Variants in KBTBD12 observed in about 807,000 individuals in gnomAD.
KBTBD12 encodes the protein kelch repeat and BTB domain-containing protein 12.
A neutral mutation model predicts 58.7 loss-of-function variants in KBTBD12; 53 were observed. The ratio of observed to expected loss-of-function variants is 0.90; its 90% confidence interval spans 0.72 to 1.14. The LOEUF is 1.14. KBTBD12 is among the 50% of genes most tolerant of loss of function. The probability of loss-of-function intolerance (pLI) is 0.00; values close to 1 mark genes in which losing one functional copy is unlikely to be tolerated. For missense variants in KBTBD12, 704 were observed against 751.3 expected (o/e 0.94, Z 0.74); for synonymous variants, 236 against 259.8 (o/e 0.91, Z 0.88).
At chr3:127,980,322 ATTTATTT>A (rs895735411) in intron 5 of KBTBD12, among the ~76,000 whole-genome samples, 10 of 152,020 alleles carry the variant, frequency 6.6e-5, no homozygotes, top group Non-Finnish European at 1.2e-4. Flanking sequence ...TATTTTATTT[ATTTATTT>A]TTTATTTTTT....
chr3:127,929,839 T>C (rs1939660899), intron 3 of KBTBD12, among the ~76,000 whole-genome samples: 1 of 152,100 alleles, frequency 6.6e-6, no homozygotes, highest in Non-Finnish European at 1.5e-5. Context: ...TTTTTAAGGC[T>C]TTGCAGTTGC....
At chr3:127,933,653 G>A (rs1340323292) in intron 4 of KBTBD12, among the ~76,000 whole-genome samples, 1 of 152,062 alleles carries the variant, frequency 6.6e-6, no homozygotes, top group African/African-American at 2.4e-5. Context: ...CCAGGCAGAA[G>A]GTAAATGTCA....
chr3:127,929,891 A>G (rs1559762273), intron 3 of KBTBD12, among the ~76,000 whole-genome samples: 2 of 151,840 alleles, frequency 1.3e-5, no homozygotes. Context: ...TCTCACTGCT[A>G]AGATCACAAA....
At position 127,923,651 on chromosome 3, in the gene KBTBD12, T is replaced by TA. The variant is rs1939485178; in HGVS notation, c.591dup (p.Val198SerfsTer8). ...TCCAGAGAAGAGAGCATTCTGGACT[T>TA]AGTTCTGAGATGGGTAAATCATAAC... On this transcript the variant is annotated frameshift_variant, in exon 2 of 6. Coordinates refer to ENST00000405109, the MANE Select transcript of KBTBD12 (RefSeq NM_207335.4). LOFTEE classifies it high-confidence loss of function. 6.2e-7 allele frequency: 1 copy of TA among 1,613,688 alleles called. No homozygotes were observed. Among genetic ancestry groups the TA allele is most frequent in the African/African-American group, 1.3e-5 (1 of 74,936 alleles).
In KBTBD12 at chr3:127,923,030, A is replaced by G; in HGVS notation, c.-32A>G. ...CTCAGGAATCAAGCTACACTTAAAG[A>G]AGACTTAGTTGGAAACTTTGGAGAG... On this transcript the variant is annotated 5_prime_UTR_variant, in exon 2 of 6. Coordinates refer to ENST00000405109, the MANE Select transcript of KBTBD12 (RefSeq NM_207335.4). The G allele has an allele frequency of 7.6e-7, 1 of 1,316,724 alleles. No homozygotes were observed. The highest frequency in any genetic ancestry group is 1.1e-6 in the Non-Finnish European group (1 of 924,862). The allele number at this position is 1,316,724 out of a possible 1,614,324, so 81.6% of individuals were successfully genotyped here. A position where few individuals can be genotyped will look rare whatever the true frequency, so the allele number is the denominator to read the frequency against.
At chr3:127,944,111 G>A (rs1940020144) in intron 4 of KBTBD12, among the ~76,000 whole-genome samples, 1 of 152,108 alleles carries the variant, frequency 6.6e-6, no homozygotes, top group South Asian at 2.1e-4. Context: ...TTGAAATCCG[G>A]AAGTTGGTGA....
chr3:127,946,112 C>A (rs556437971), intron 4 of KBTBD12, among the ~76,000 whole-genome samples: 1 of 152,280 alleles, frequency 6.6e-6, no homozygotes, highest in African/African-American at 2.4e-5. Context: ...AATTTCATTC[C>A]TTCCACCCGT....
chr3:127,933,803 T>A (rs2107595207), intron 4 of KBTBD12, among the ~76,000 whole-genome samples: 1 of 152,234 alleles, frequency 6.6e-6, no homozygotes, highest in East Asian at 1.9e-4. Context: ...GGGTAACTCA[T>A]AGGCTAAAAT....
intron 1 of KBTBD12, among the ~76,000 whole-genome samples, chr3:127,919,137 G>A (rs978111006): frequency 2.0e-5 from 3 of 151,882 alleles, no homozygotes; most frequent in Non-Finnish European, 4.4e-5. Context: ...GTCTTTCCTC[G>A]ATAAAAATCA....
In KBTBD12 at chr3:127,963,261, C is replaced by T. The variant is rs149769275; in HGVS notation, c.1565C>T (p.Pro522Leu). The change falls in exon 5 of 6, where the codon CCA (proline) becomes CTA (leucine). Residue 522 changes from proline to leucine, a missense_variant. By Grantham distance (98) the Pro-to-Leu change is moderately conservative (BLOSUM62 -3). Transcript: ENST00000405109. ...CTTGACGTGGTGGAGATCTACAACC[C>T]AGATGGGGACTTTTGGCGAGAGGGC... is the stretch of plus-strand genomic sequence containing the variant. The part of the protein sequence containing the change: ...KCLDVVEIYN[P>L]DGDFWREGPP... 3 of 1,612,530 alleles carry T rather than the reference C, an allele frequency of 1.9e-6. No homozygotes were observed. In the African/African-American group the frequency reaches 4.0e-5, roughly 22 times the overall value.
At chr3:127,977,292 T>C (rs7625844) in intron 5 of KBTBD12, among the ~76,000 whole-genome samples, 1 of 152,172 alleles carries the variant, frequency 6.6e-6, no homozygotes, top group African/African-American at 2.4e-5. Context: ...TCTGCAGTGA[T>C]AATACACATG....
chr3:127,964,968 C>T (rs1235676343), intron 5 of KBTBD12, among the ~76,000 whole-genome samples: 2 of 152,168 alleles, frequency 1.3e-5, no homozygotes, highest in Admixed American at 1.3e-4. Context: ...TCAAGCCCTG[C>T]GTGTAAGAAG....
chr3:127,922,153 C>T (rs1939425308), intron 1 of KBTBD12, among the ~76,000 whole-genome samples: 1 of 152,034 alleles, frequency 6.6e-6, no homozygotes, highest in Non-Finnish European at 1.5e-5. Flanking sequence ...GAAGATGAGA[C>T]AGCTAACTTT....
At chr3:127,951,170 A>G (rs1020657954) in intron 4 of KBTBD12, among the ~76,000 whole-genome samples, 1 of 152,190 alleles carries the variant, frequency 6.6e-6, no homozygotes, top group Admixed American at 6.5e-5. Context: ...ATCTTAGTCT[A>G]TTTTTTGATT....
intron 4 of KBTBD12, among the ~76,000 whole-genome samples, chr3:127,949,585 C>T (rs1271601169): frequency 6.6e-6 from 1 of 152,182 alleles, no homozygotes; most frequent in East Asian, 1.9e-4. Flanking sequence ...TCCTAGAATT[C>T]ACTCACTGCC....
chr3:127,972,295 T>A (rs756081520), intron 5 of KBTBD12, among the ~76,000 whole-genome samples: 5 of 152,196 alleles, frequency 3.3e-5, no homozygotes, highest in Non-Finnish European at 7.4e-5. Flanking sequence ...GTCTATATTT[T>A]TAGCAGTAGG....
At position 127,945,309 on chromosome 3, in the gene KBTBD12, C is replaced by T. The variant is rs572899043; in HGVS notation, c.1492+15026C>T. Among the ~76,000 whole-genome samples, 15 of 150,494 alleles carry T rather than the reference C, an allele frequency of 1.0e-4. No individual in the cohort carries two copies. In the South Asian group the frequency reaches 3.0e-3, roughly 30 times the overall value. On this transcript the variant is annotated intron_variant, in intron 4 of 5. Coordinates refer to ENST00000405109, the MANE Select transcript of KBTBD12 (RefSeq NM_207335.4). ...ACGCCATTCTCCTACCTCAGCCTCC[C>T]GAGTAGGTGAGACTACAGGCGCCCA...
intron 4 of KBTBD12, among the ~76,000 whole-genome samples, chr3:127,948,388 G>A (rs1438911848): frequency 1.3e-5 from 2 of 152,190 alleles, no homozygotes; most frequent in Admixed American, 6.5e-5. Flanking sequence ...TGCTGGCCCC[G>A]TACTCTCTGG....
chr3:127,933,126 C>T (rs1369938545), intron 4 of KBTBD12, among the ~76,000 whole-genome samples: 2 of 152,098 alleles, frequency 1.3e-5, no homozygotes, highest in African/African-American at 4.8e-5. Context: ...GCAAATTTGT[C>T]AAAAACTACC....
Sources: gnomAD v4.1 joint callset for allele counts (sites outside exome capture counted in the v4.1 genomes callset) on GRCh38, gnomAD v4.1.1 for gene constraint, MANE v1.5 for transcripts, NCBI Gene and HGNC (gene_info 2026-07-23, HGNC 2026-07-21) for gene names.